GALNT18: variants seen among roughly 807,000 people sequenced by gnomAD.
GALNT18 encodes the protein GalNAc-transferase 18.
In GALNT18, 44 loss-of-function variants were observed where a neutral mutation model predicts 69.5. The observed-to-expected ratio is 0.63, with a 90% CI of 0.50 to 0.81. The LOEUF is 0.81. Among genes scored for constraint, GALNT18 ranks in the 40% least tolerant of loss-of-function variants. The pLI is 0.00. For synonymous variants in GALNT18, 364 were observed against 318.2 expected (o/e 1.14, Z -1.53); for missense variants, 715 against 810.0 (o/e 0.88, Z 1.42).
At chr11:11,276,227 C>G (rs1407948420) in intron 10 of GALNT18, among the ~76,000 whole-genome samples, 1 of 152,162 alleles carries the variant, frequency 6.6e-6, no homozygotes, top group Non-Finnish European at 1.5e-5. Flanking sequence ...CTTTGTAGTT[C>G]TCCTTGAAGA....
chr11:11,518,225 T>G (rs1428155384), intron 1 of GALNT18, among the ~76,000 whole-genome samples: 1 of 152,260 alleles, frequency 6.6e-6, no homozygotes, highest in African/African-American at 2.4e-5. Flanking sequence ...GCCCTTTCTC[T>G]GGTGCCCAAT....
chr11:11,358,088 C>A (rs1430354222), intron 6 of GALNT18, among the ~76,000 whole-genome samples: 1 of 91,242 alleles, frequency 1.1e-5, no homozygotes, highest in Non-Finnish European at 2.6e-5. Context: ...ATCTCCTATG[C>A]CCATGTCCAA....
At chr11:11,498,236 A>G (rs894037443) in intron 1 of GALNT18, among the ~76,000 whole-genome samples, 2 of 152,214 alleles carry the variant, frequency 1.3e-5, no homozygotes, top group African/African-American at 4.8e-5. Flanking sequence ...TCTAAGAAGC[A>G]ATTCTCTTTT....
chr11:11,321,695 C>A (rs928182297), intron 9 of GALNT18, among the ~76,000 whole-genome samples: 1 of 152,218 alleles, frequency 6.6e-6, no homozygotes, highest in South Asian at 2.1e-4. Flanking sequence ...CTCTGCCTCC[C>A]AGGTTCAAGT....
At position 11,543,129 on chromosome 11, in the gene GALNT18, G is replaced by T. The variant is rs559727143; in HGVS notation, c.235+78230C>A. Reference sequence around the variant, plus strand: ...TGTTAGTTACTATTATTAAGAAGCCGATGCCTTCTCTGGTCTTTCTACCTC... The same window carrying T: ...TGTTAGTTACTATTATTAAGAAGCCTATGCCTTCTCTGGTCTTTCTACCTC... On this transcript the variant is annotated intron_variant, in intron 1 of 10. Coordinates refer to ENST00000227756, the MANE Select transcript of GALNT18 (RefSeq NM_198516.3). The surrounding 1 kb of genome is among the most constrained non-coding windows in gnomAD (Gnocchi z 5.1). Among the ~76,000 whole-genome samples, 2 of 152,184 alleles carry T rather than the reference G, an allele frequency of 1.3e-5. No individual in the cohort carries two copies. Among genetic ancestry groups the T allele is most frequent in the Admixed American group, 1.3e-4 (2 of 15,288 alleles).
chr11:11,524,024 C>T (rs899183756), intron 1 of GALNT18, among the ~76,000 whole-genome samples: 8 of 142,416 alleles, frequency 5.6e-5, no homozygotes, highest in Admixed American at 2.1e-4. Context: ...TCAGCTAGTG[C>T]GAGGTACCAG....
intron 8 of GALNT18, among the ~76,000 whole-genome samples, chr11:11,327,992 C>T (rs1200896828): frequency 6.6e-6 from 1 of 152,148 alleles, no homozygotes; most frequent in Non-Finnish European, 1.5e-5. Context: ...CTCTCTTATC[C>T]TGTCTTAGGA....
chr11:11,599,385 G>A (rs565578598), intron 1 of GALNT18, among the ~76,000 whole-genome samples: 26 of 151,946 alleles, frequency 1.7e-4, no homozygotes, highest in Middle Eastern at 3.4e-3. Flanking sequence ...GTGTTTTAAC[G>A]TCAATTTTGT....
At chr11:11,609,590 A>T (rs894726123) in intron 1 of GALNT18, among the ~76,000 whole-genome samples, 2 of 152,216 alleles carry the variant, frequency 1.3e-5, no homozygotes, top group Non-Finnish European at 2.9e-5. Context: ...ACATACCAAA[A>T]GAAGGCAGCG....
intron 6 of GALNT18, among the ~76,000 whole-genome samples, chr11:11,362,629 C>T (rs917307080): frequency 3.9e-5 from 6 of 152,210 alleles, no homozygotes; most frequent in African/African-American, 1.2e-4. Context: ...TAAAACTACC[C>T]TGAAAGGCCT....
chr11:11,325,593 T>A (rs1368589833), intron 9 of GALNT18, among the ~76,000 whole-genome samples: 5 of 152,222 alleles, frequency 3.3e-5, no homozygotes, highest in African/African-American at 1.2e-4. Context: ...TAGTCCTATT[T>A]ATGTAGAATT....
Position 11,606,727 on chromosome 11 carries a change from T to A in GALNT18, c.235+14632A>T, listed in dbSNP as rs2133954928. On this transcript the variant is annotated intron_variant, in intron 1 of 10. Transcript: ENST00000227756. This position sits in a 1 kb window ranked among gnomAD's most constrained non-coding sequence, Gnocchi z 5.4. The stretch of plus-strand genomic sequence containing the variant: ...GAGGACAAACAAGTAAGGATTTTCC[T>A]TCCTGGTGCACACGTTTCTCCTGAA... Among the ~76,000 whole-genome samples, 1 of 152,294 alleles carries A rather than the reference T, an allele frequency of 6.6e-6. No homozygotes were observed. The highest frequency in any genetic ancestry group is 2.1e-4 in the South Asian group (1 of 4,826).
At chr11:11,313,310 G>A (rs1389670650) in intron 9 of GALNT18, among the ~76,000 whole-genome samples, 1 of 152,110 alleles carries the variant, frequency 6.6e-6, no homozygotes, top group Non-Finnish European at 1.5e-5. Context: ...TCAAGCCCAG[G>A]GTGGATGGGG....
intron 10 of GALNT18, among the ~76,000 whole-genome samples, chr11:11,275,612 C>A (rs111561529): frequency 6.6e-6 from 1 of 152,162 alleles, no homozygotes; most frequent in Non-Finnish European, 1.5e-5. Context: ...TTGCCCATGC[C>A]GATGTCCCGA....
At chr11:11,386,671 T>C (rs1479205407) in intron 3 of GALNT18, among the ~76,000 whole-genome samples, 1 of 152,232 alleles carries the variant, frequency 6.6e-6, no homozygotes, top group African/African-American at 2.4e-5. Context: ...ATTTGGTATA[T>C]GTTATCTCAT....
chr11:11,470,289 G>C lies in GALNT18; in HGVS notation c.236-21353C>G, dbSNP rs1471163046. 2.8e-4 allele frequency among the ~76,000 whole-genome samples: 42 copies of C among 152,206 alleles called. No homozygotes were observed. The highest frequency in any genetic ancestry group is 2.7e-3 in the Admixed American group (42 of 15,276). Reference sequence around the variant, plus strand: ...CCTAAGGTTAAGACCCAGGCACCAAGGGACATCCACATTCTGTCTCTACAT... The same window carrying C: ...CCTAAGGTTAAGACCCAGGCACCAACGGACATCCACATTCTGTCTCTACAT... On this transcript the variant is annotated intron_variant, in intron 1 of 10. Coordinates refer to ENST00000227756, the MANE Select transcript of GALNT18 (RefSeq NM_198516.3). The surrounding 1 kb of genome is among the most constrained non-coding windows in gnomAD (Gnocchi z 4.8).
At chr11:11,492,587 G>A (rs1856795167) in intron 1 of GALNT18, among the ~76,000 whole-genome samples, 2 of 152,212 alleles carry the variant, frequency 1.3e-5, no homozygotes, top group South Asian at 2.1e-4. Context: ...ATGAGTTCAT[G>A]TCCTTTGCAG....
At position 11,396,459 on chromosome 11, in the gene GALNT18, C is replaced by T. The variant is rs1466050440; in HGVS notation, c.596-17195G>A. Among the ~76,000 whole-genome samples, 1 of 152,002 alleles carries T rather than the reference C, an allele frequency of 6.6e-6. No individual in the cohort carries two copies. On this transcript the variant is annotated intron_variant, in intron 3 of 10. Coordinates refer to ENST00000227756, the MANE Select transcript of GALNT18 (RefSeq NM_198516.3). The surrounding 1 kb of genome is among the most constrained non-coding windows in gnomAD (Gnocchi z 5.2). ...AGAAAGAATTCACGTGTGGGAGGTA[C>T]CGATGAATCAGACGAGGAAACTATC...
chr11:11,283,587 G>A (rs1272490844), intron 10 of GALNT18, among the ~76,000 whole-genome samples: 1 of 152,168 alleles, frequency 6.6e-6, no homozygotes, highest in East Asian at 1.9e-4. Context: ...CACTCGCAGG[G>A]TCCAACCTGC....
Sources: allele counts gnomAD v4.1 joint callset (sites outside exome capture counted in the v4.1 genomes callset), GRCh38; gene constraint gnomAD v4.1.1; non-coding constraint Gnocchi (gnomAD v3.1); transcripts MANE v1.5; gene names NCBI Gene and HGNC (gene_info 2026-07-23, HGNC 2026-07-21).